Variants in SHISA9 observed in about 807,000 individuals in gnomAD.
SHISA9 encodes the protein protein shisa-9.
In SHISA9, 13 loss-of-function variants were observed where a neutral mutation model predicts 38.0. The observed-to-expected ratio is 0.34, with a 90% CI of 0.22 to 0.54. SHISA9 has a LOEUF of 0.54. SHISA9 is among the 20% of genes least tolerant of loss of function. SHISA9 has a pLI of 0.91. For synonymous variants in SHISA9, 275 were observed against 242.0 expected, an observed-to-expected ratio of 1.14 and a Z score of -1.27; for missense variants, 538 against 575.8, an observed-to-expected ratio of 0.93 and a Z score of 0.67.
chr16:13,172,764 A>G (rs1313282184), intron 2 of SHISA9, among the ~76,000 whole-genome samples: 4 of 134,382 alleles, frequency 3.0e-5, no homozygotes. Context: ...TTTTTTTGGT[A>G]AATAATCTTG....
At chr16:13,132,004 C>G (rs2050310587) in intron 2 of SHISA9, among the ~76,000 whole-genome samples, 1 of 152,170 alleles carries the variant, frequency 6.6e-6, no homozygotes, top group South Asian at 2.1e-4. Flanking sequence ...CTGCAAAAAC[C>G]TATACAAGTG....
chr16:13,123,161 G>A (rs1479550265), intron 2 of SHISA9, among the ~76,000 whole-genome samples: 3 of 151,070 alleles, frequency 2.0e-5, no homozygotes, highest in Non-Finnish European at 3.0e-5. Context: ...TATCTATTTG[G>A]GTCCAAATCT....
chr16:13,052,052 T>G (rs2073258031), intron 2 of SHISA9, among the ~76,000 whole-genome samples: 1 of 152,190 alleles, frequency 6.6e-6, no homozygotes, highest in African/African-American at 2.4e-5. Context: ...CGTCAACCAC[T>G]GCGCCCGGCC....
chr16:13,545,001 G>A, the SHISA9 span, among the ~76,000 whole-genome samples: 1 of 152,136 alleles, frequency 6.6e-6, no homozygotes, highest in African/African-American at 2.4e-5. Flanking sequence ...GTGACATCAT[G>A]ATCATCATCC....
chr16:13,298,711 G>A, the SHISA9 span, among the ~76,000 whole-genome samples: 211 of 152,288 alleles, frequency 1.4e-3, no homozygotes, highest in Admixed American at 4.0e-3. Flanking sequence ...TGTCAAAGCC[G>A]TACTTCATCT....
rs975007206 is a variant in SHISA9 at position 13,192,915 on chromosome 16, AGAG to A, written c.692-10473_692-10471del. ...AGAAGAAAGAAGGAGGAGGAGGAGA[AGAG>A]GAGGAAGAAGAGGAGGAAGAGGAAG... On this transcript the variant is annotated intron_variant, in intron 2 of 4. Transcript: ENST00000558583. Among the ~76,000 whole-genome samples the A allele has an allele frequency of 2.8e-4, 43 of 151,836 alleles. No individual in the cohort carries two copies. The Middle Eastern group carries it at 0.017, about 60-fold the overall frequency.
intron 2 of SHISA9, among the ~76,000 whole-genome samples, chr16:13,118,389 C>T (rs914339475): frequency 1.3e-5 from 2 of 152,086 alleles, no homozygotes; most frequent in African/African-American, 4.8e-5. Flanking sequence ...ATTAGCCAGG[C>T]AAGAAGAGAA....
At chr16:12,927,543 C>T (rs1050968467) in intron 2 of SHISA9, among the ~76,000 whole-genome samples, 1 of 151,852 alleles carries the variant, frequency 6.6e-6, no homozygotes, top group Non-Finnish European at 1.5e-5. Flanking sequence ...GGGCCACAGG[C>T]ATGTGCAATC....
the SHISA9 span, among the ~76,000 whole-genome samples, chr16:13,437,056 G>T: frequency 6.6e-6 from 1 of 152,248 alleles, no homozygotes; most frequent in Non-Finnish European, 1.5e-5. Flanking sequence ...CCCACCCCAT[G>T]ATTCAGTTAC....
intron 2 of SHISA9, among the ~76,000 whole-genome samples, chr16:13,033,031 C>G (rs115072889): frequency 6.6e-5 from 10 of 152,180 alleles, no homozygotes; most frequent in African/African-American, 9.7e-5. Context: ...AGGCTTTCTT[C>G]GCATGGTGAC....
the SHISA9 span, among the ~76,000 whole-genome samples, chr16:13,418,140 T>A: frequency 1.3e-5 from 2 of 152,176 alleles, no homozygotes. Flanking sequence ...AGAATATGAC[T>A]TGTGTAGGCA....
chr16:13,010,184 A>G (rs1443054834), intron 2 of SHISA9, among the ~76,000 whole-genome samples: 1 of 152,200 alleles, frequency 6.6e-6, no homozygotes, highest in Non-Finnish European at 1.5e-5. Flanking sequence ...CGAAAAAAGA[A>G]AAAAAGAGAA....
the SHISA9 span, among the ~76,000 whole-genome samples, chr16:13,535,237 C>T: frequency 1.3e-5 from 2 of 152,130 alleles, no homozygotes; most frequent in Non-Finnish European, 2.9e-5. Context: ...CAGAGTGAGA[C>T]TCCATCTCAA....
chr16:13,325,477 A>G, the SHISA9 span, among the ~76,000 whole-genome samples: 1 of 152,144 alleles, frequency 6.6e-6, no homozygotes, highest in African/African-American at 2.4e-5. Flanking sequence ...TTTGGCCAAG[A>G]TGGGATCCAT....
intron 2 of SHISA9, among the ~76,000 whole-genome samples, chr16:13,062,631 C>T (rs139203469): frequency 6.6e-6 from 1 of 152,236 alleles, no homozygotes; most frequent in East Asian, 1.9e-4. Flanking sequence ...CTAGATTACT[C>T]AGAGGAGTTT....
the SHISA9 span, among the ~76,000 whole-genome samples, chr16:13,379,443 G>C: frequency 6.6e-6 from 1 of 152,104 alleles, no homozygotes; most frequent in African/African-American, 2.4e-5. Context: ...GCAACTCCCA[G>C]GTCCCCCCGC....
the SHISA9 span, among the ~76,000 whole-genome samples, chr16:13,541,485 A>C: frequency 1.3e-3 from 194 of 152,318 alleles, 2 homozygotes; most frequent in Admixed American, 4.1e-3. Flanking sequence ...TTTACGAAGC[A>C]TTTGGCCCTC....
the SHISA9 span, among the ~76,000 whole-genome samples, chr16:13,348,806 T>G: frequency 1.3e-5 from 2 of 151,954 alleles, no homozygotes; most frequent in Admixed American, 6.6e-5. Flanking sequence ...AAGAGGAAGA[T>G]TCACGGAACA....
At chr16:13,282,971 C>A in the SHISA9 span, among the ~76,000 whole-genome samples, 1 of 152,010 alleles carries the variant, frequency 6.6e-6, no homozygotes, top group Admixed American at 6.6e-5. Context: ...GTCTGCTTAG[C>A]GTCATGCTTG....
Sources: gnomAD v4.1 joint callset for allele counts (sites outside exome capture counted in the v4.1 genomes callset) on GRCh38, gnomAD v4.1.1 for gene constraint, MANE v1.5 for transcripts, NCBI Gene and HGNC (gene_info 2026-07-23, HGNC 2026-07-21) for gene names.